The following GALNT13 variants were observed in gnomAD, a reference collection of about 807,000 sequenced individuals.
The protein encoded by GALNT13 is polypeptide N-acetylgalactosaminyltransferase 13.
A neutral mutation model predicts 64.2 loss-of-function variants in GALNT13; 28 were observed. That is an observed-to-expected ratio of 0.44 (90% confidence interval 0.32 to 0.60). GALNT13 has a LOEUF of 0.60. Ranked by LOEUF, GALNT13 falls within the 20% of genes least tolerant of loss-of-function variation. GALNT13 has a pLI of 0.05. For synonymous variants in GALNT13, 214 were observed against 224.6 expected, an observed-to-expected ratio of 0.95 and a Z score of 0.42; for missense variants, 577 against 669.8, an observed-to-expected ratio of 0.86 and a Z score of 1.53.
At chr2:153,836,086 T>A in the GALNT13 span, among the ~76,000 whole-genome samples, 1 of 152,022 alleles carries the variant, frequency 6.6e-6, no homozygotes, top group Non-Finnish European at 1.5e-5. Context: ...AATCCCAAAT[T>A]GGCAAATTAC....
At chr2:153,297,763 G>A in the GALNT13 span, among the ~76,000 whole-genome samples, 4 of 152,180 alleles carry the variant, frequency 2.6e-5, no homozygotes, top group Non-Finnish European at 5.9e-5. Context: ...AGTTGCTGAG[G>A]CTAACAATAG....
At chr2:153,872,699 C>T (rs1439989669) in intron 1 of GALNT13, among the ~76,000 whole-genome samples, 1 of 150,760 alleles carries the variant, frequency 6.6e-6, no homozygotes, top group Non-Finnish European at 1.5e-5. Context: ...GCCTCCAAGC[C>T]CAGACAACTT....
At chr2:153,239,095 G>A in the GALNT13 span, among the ~76,000 whole-genome samples, 1 of 151,922 alleles carries the variant, frequency 6.6e-6, no homozygotes, top group Non-Finnish European at 1.5e-5. Flanking sequence ...TTTATTTGTA[G>A]TTATTGTAAA....
intron 4 of GALNT13, among the ~76,000 whole-genome samples, chr2:154,182,490 C>T (rs1429061594): frequency 2.0e-5 from 3 of 151,748 alleles, no homozygotes; most frequent in Non-Finnish European, 4.4e-5. Context: ...TTTCTTTCCC[C>T]CTATCCATGT....
intron 9 of GALNT13, among the ~76,000 whole-genome samples, chr2:154,377,987 C>A (rs940041822): frequency 6.6e-6 from 1 of 152,062 alleles, no homozygotes; most frequent in African/African-American, 2.4e-5. Context: ...GAGTGCATTC[C>A]TTTTTGGCTG....
rs1405027611 is a variant in GALNT13 at position 153,872,232 on chromosome 2, G to A, written c.-248G>A. On this transcript the variant is annotated 5_prime_UTR_variant, in exon 1 of 13. Transcript: ENST00000392825. ...GGCGCGGCCGGCCGGCGCCTGCTGG[G>A]CTTGATCTGAGGCTGAATCCCGTGT... is the stretch of plus-strand genomic sequence containing the variant. 1 of 151,786 alleles carries A rather than the reference G, an allele frequency of 6.6e-6. No individual in the cohort carries two copies. Among genetic ancestry groups the A allele is most frequent in the Admixed American group, 6.6e-5 (1 of 15,240 alleles). The allele number at this position is 151,786 out of a possible 1,614,324, so 9.4% of individuals were successfully genotyped here. A position where few individuals can be genotyped will look rare whatever the true frequency, so the allele number is the denominator to read the frequency against.
chr2:154,316,692 C>G (rs909741857), intron 9 of GALNT13, among the ~76,000 whole-genome samples: 3 of 152,108 alleles, frequency 2.0e-5, no homozygotes, highest in Non-Finnish European at 4.4e-5. Flanking sequence ...AGGGAATGCT[C>G]GTCAGCTCAG....
chr2:153,817,895 A>G, the GALNT13 span, among the ~76,000 whole-genome samples: 1 of 152,198 alleles, frequency 6.6e-6, no homozygotes, highest in Non-Finnish European at 1.5e-5. Context: ...AAATAAATTA[A>G]GGAGGGGGAG....
At chr2:153,644,288 C>G in the GALNT13 span, among the ~76,000 whole-genome samples, 78 of 152,156 alleles carry the variant, frequency 5.1e-4, no homozygotes, top group East Asian at 0.014. Context: ...AATAAATATA[C>G]AGGAAATAAA....
intron 4 of GALNT13, among the ~76,000 whole-genome samples, chr2:154,141,328 T>A (rs529564928): frequency 6.6e-6 from 1 of 152,344 alleles, no homozygotes; most frequent in Non-Finnish European, 1.5e-5. Flanking sequence ...ATATTTTTAC[T>A]TCATAAAGTC....
intron 8 of GALNT13, among the ~76,000 whole-genome samples, chr2:154,290,618 T>G (rs747566946): frequency 8.5e-5 from 13 of 152,148 alleles, no homozygotes; most frequent in Admixed American, 1.3e-4. Context: ...TTTGGGGGAA[T>G]TTAGAAGCTG....
chr2:154,220,973 T>C (rs1343908468), intron 4 of GALNT13, among the ~76,000 whole-genome samples: 1 of 152,088 alleles, frequency 6.6e-6, no homozygotes, highest in East Asian at 1.9e-4. Context: ...AATTAAATTA[T>C]ATTAATTTGT....
intron 1 of GALNT13, among the ~76,000 whole-genome samples, chr2:153,874,656 C>A (rs919783353): frequency 3.9e-5 from 6 of 152,060 alleles, no homozygotes; most frequent in Non-Finnish European, 8.8e-5. Flanking sequence ...TTCCAAGTTA[C>A]CAGGTATGCT....
At chr2:153,252,853 C>A in the GALNT13 span, among the ~76,000 whole-genome samples, 20,697 of 152,128 alleles carry the variant, frequency 0.14, 1,678 homozygotes, top group African/African-American at 0.23. Flanking sequence ...ACCAGCACCA[C>A]GCTGTTTTGG....
Position 154,242,875 on chromosome 2 carries a change from A to G in GALNT13, c.656A>G (p.Glu219Gly), listed in dbSNP as rs1689572486. 1 of 1,614,138 alleles carries G rather than the reference A, an allele frequency of 6.2e-7. No homozygotes were observed. Among genetic ancestry groups the G allele is most frequent in the Middle Eastern group, 1.6e-4 (1 of 6,062 alleles). ...AHCECTLGWL[E>G]PLLARIKEDR... The stretch of plus-strand genomic sequence containing the variant: ...TGTGAATGCACGTTAGGATGGCTGG[A>G]GCCTTTGCTGGCAAGAATAAAGGAA... The change falls in exon 6 of 13, where the codon GAG becomes GGG. Residue 219 changes from glutamate (E) to glycine (G), a missense_variant. Glu to Gly is a moderately conservative substitution (Grantham distance 98). Transcript: ENST00000392825.
At chr2:153,220,030 A>G in the GALNT13 span, among the ~76,000 whole-genome samples, 1 of 152,246 alleles carries the variant, frequency 6.6e-6, no homozygotes, top group Non-Finnish European at 1.5e-5. Context: ...TGACTCTGAG[A>G]TAAAAGTAAT....
chr2:154,272,042 A>G (rs1691382920), intron 8 of GALNT13, among the ~76,000 whole-genome samples: 1 of 151,974 alleles, frequency 6.6e-6, no homozygotes, highest in Non-Finnish European at 1.5e-5. Context: ...TGAAAATTAT[A>G]CAAAAATAGT....
At chr2:153,836,170 A>G in the GALNT13 span, among the ~76,000 whole-genome samples, 30 of 152,084 alleles carry the variant, frequency 2.0e-4, 1 homozygote, top group Admixed American at 1.6e-3. Context: ...GAAATAACAC[A>G]TGGGGCAATT....
chr2:153,180,223 G>A, the GALNT13 span, among the ~76,000 whole-genome samples: 3 of 151,974 alleles, frequency 2.0e-5, no homozygotes, highest in South Asian at 2.1e-4. Context: ...TTTGTTGAAA[G>A]TTTTTATCAT....
Sources: allele counts gnomAD v4.1 joint callset (sites outside exome capture counted in the v4.1 genomes callset), GRCh38; gene constraint gnomAD v4.1.1; transcripts MANE v1.5; gene names NCBI Gene and HGNC (gene_info 2026-07-23, HGNC 2026-07-21).